The following SNTG1 variants were observed in gnomAD, a reference collection of about 807,000 sequenced individuals.
SNTG1 encodes the protein gamma-1-syntrophin.
Under a neutral mutation model 74.7 loss-of-function variants are expected in SNTG1, and 39 were observed. The observed-to-expected ratio is 0.52, with a 90% confidence interval of 0.40 to 0.68. The LOEUF (loss-of-function observed/expected upper bound fraction) is 0.68. SNTG1 is among the 30% of genes least tolerant of loss of function. SNTG1 has a pLI of 0.00. For synonymous variants in SNTG1, 254 were observed against 217.1 expected (o/e 1.17, Z -1.49); for missense variants, 685 against 609.5 (o/e 1.12, Z -1.30).
At chr8:49,969,740 T>C (rs1004352169) in intron 1 of SNTG1, among the ~76,000 whole-genome samples, 1 of 152,030 alleles carries the variant, frequency 6.6e-6, no homozygotes, top group Non-Finnish European at 1.5e-5. Context: ...TATGATCATG[T>C]AGGGTGGGGT....
chr8:50,659,223 A>C (rs2095203721), intron 15 of SNTG1, among the ~76,000 whole-genome samples: 1 of 152,202 alleles, frequency 6.6e-6, no homozygotes, highest in South Asian at 2.1e-4. Flanking sequence ...TTACAATATC[A>C]AGCCATCACA....
intron 1 of SNTG1, among the ~76,000 whole-genome samples, chr8:49,938,579 T>TTTCTC (rs1808321868): frequency 6.0e-5 from 2 of 33,522 alleles, no homozygotes; most frequent in Admixed American, 3.9e-4. Flanking sequence ...TTTCTTTTCT[T>TTTCTC]TTCTTTTCTT....
chr8:50,396,173 T>C (rs2092726514), intron 3 of SNTG1, among the ~76,000 whole-genome samples: 1 of 152,190 alleles, frequency 6.6e-6, no homozygotes, highest in Non-Finnish European at 1.5e-5. Flanking sequence ...TAGTAATCCT[T>C]AGTACTGAAA....
At chr8:50,456,496 G>T (rs565949382) in intron 8 of SNTG1, among the ~76,000 whole-genome samples, 22 of 151,912 alleles carry the variant, frequency 1.4e-4, no homozygotes, top group African/African-American at 5.3e-4. Context: ...GTGTCTTTTT[G>T]CAGCCTCCTC....
chr8:50,397,530 G>C (rs2092742891), intron 3 of SNTG1, among the ~76,000 whole-genome samples: 1 of 152,148 alleles, frequency 6.6e-6, no homozygotes, highest in African/African-American at 2.4e-5. Context: ...TCTCCTAGTA[G>C]CGTGGCTTTG....
intron 2 of SNTG1, among the ~76,000 whole-genome samples, chr8:50,204,966 T>G (rs968494384): frequency 6.6e-6 from 1 of 152,206 alleles, no homozygotes; most frequent in Non-Finnish European, 1.5e-5. Flanking sequence ...ATCCAGTCTA[T>G]CATTGATGGA....
chr8:49,940,266 G>A (rs1373363723), intron 1 of SNTG1, among the ~76,000 whole-genome samples: 5 of 152,116 alleles, frequency 3.3e-5, no homozygotes, highest in South Asian at 2.1e-4. Context: ...AAAATGCCTC[G>A]AAAGACAGAG....
chr8:50,006,369 T>G (rs909204629), intron 1 of SNTG1, among the ~76,000 whole-genome samples: 2 of 152,222 alleles, frequency 1.3e-5, no homozygotes, highest in Non-Finnish European at 2.9e-5. Flanking sequence ...TGATGACTGC[T>G]TTAAAATTCT....
chr8:50,472,410 C>T (rs1300956019), intron 8 of SNTG1, among the ~76,000 whole-genome samples: 4 of 151,996 alleles, frequency 2.6e-5, no homozygotes, highest in Non-Finnish European at 5.9e-5. Context: ...ATTTTAAAGA[C>T]CATTCAATTA....
Position 50,411,172 on chromosome 8 carries a change from G to A in SNTG1, c.162+8828G>A, listed in dbSNP as rs193215096. Among the ~76,000 whole-genome samples, 13 of 152,204 alleles carry A rather than the reference G, an allele frequency of 8.5e-5. No individual in the cohort carries two copies. In the East Asian group the frequency reaches 2.5e-3, roughly 30 times the overall value. Reference sequence around the variant, plus strand: ...AATAAGACTAAGAAAAGGAAGGCCGGGTGCGGTGGCTCACATCTGTAATCC... The same window carrying A: ...AATAAGACTAAGAAAAGGAAGGCCGAGTGCGGTGGCTCACATCTGTAATCC... On this transcript the variant is annotated intron_variant, in intron 4 of 18. Transcript: ENST00000642720.
intron 13 of SNTG1, among the ~76,000 whole-genome samples, chr8:50,621,289 A>T (rs2094921806): frequency 6.6e-6 from 1 of 152,188 alleles, no homozygotes; most frequent in African/African-American, 2.4e-5. Flanking sequence ...CAAGATAAAC[A>T]GATTATTCCC....
intron 8 of SNTG1, among the ~76,000 whole-genome samples, chr8:50,464,221 T>A (rs1237634962): frequency 2.6e-5 from 4 of 152,194 alleles, no homozygotes; most frequent in Non-Finnish European, 5.9e-5. Flanking sequence ...ACCATTTGCA[T>A]CTTCACTTGA....
chr8:50,312,809 T>C (rs1680642423), intron 2 of SNTG1, among the ~76,000 whole-genome samples: 1 of 150,176 alleles, frequency 6.7e-6, no homozygotes, highest in African/African-American at 2.5e-5. Context: ...TGGGCGTATG[T>C]TAACTATGAG....
intron 1 of SNTG1, among the ~76,000 whole-genome samples, chr8:50,101,467 C>G (rs531682788): frequency 2.0e-5 from 3 of 152,026 alleles, no homozygotes; most frequent in Non-Finnish European, 4.4e-5. Flanking sequence ...TTAATAATAA[C>G]CATCTGGCTG....
intron 15 of SNTG1, among the ~76,000 whole-genome samples, chr8:50,668,966 A>G (rs1170286314): frequency 6.6e-6 from 1 of 152,048 alleles, no homozygotes; most frequent in Non-Finnish European, 1.5e-5. Context: ...TTTATAGCTG[A>G]ATGATTTATA....
At chr8:50,068,998 A>G (rs1821127297) in intron 1 of SNTG1, among the ~76,000 whole-genome samples, 1 of 152,222 alleles carries the variant, frequency 6.6e-6, no homozygotes, top group African/African-American at 2.4e-5. Flanking sequence ...AACAAGCAAA[A>G]AATCATATCT....
At chr8:49,993,508 T>C (rs1813885533) in intron 1 of SNTG1, among the ~76,000 whole-genome samples, 1 of 152,122 alleles carries the variant, frequency 6.6e-6, no homozygotes, top group Admixed American at 6.6e-5. Context: ...TCATCTAGGT[T>C]TTAAACCTCA....
intron 1 of SNTG1, among the ~76,000 whole-genome samples, chr8:49,964,266 A>G (rs775803918): frequency 5.3e-4 from 81 of 152,230 alleles, no homozygotes; most frequent in Admixed American, 1.3e-3. Flanking sequence ...GCTCCCCACA[A>G]GGAGGAGGGA....
At chr8:50,111,346 C>G (rs552058910) in intron 1 of SNTG1, among the ~76,000 whole-genome samples, 6 of 152,230 alleles carry the variant, frequency 3.9e-5, no homozygotes, top group African/African-American at 1.2e-4. Context: ...AGGTGGGGGT[C>G]TTAATTGAAT....
Sources: gnomAD v4.1 joint callset for allele counts (sites outside exome capture counted in the v4.1 genomes callset) on GRCh38, gnomAD v4.1.1 for gene constraint, MANE v1.5 for transcripts, NCBI Gene and HGNC (gene_info 2026-07-23, HGNC 2026-07-21) for gene names.